The following CACNG2 variants were observed in gnomAD, a reference collection of about 807,000 sequenced individuals.
CACNG2 encodes the protein calcium voltage-gated channel auxiliary subunit gamma 2.
A neutral mutation model predicts 25.9 loss-of-function variants in CACNG2; 3 were observed. That is an observed-to-expected ratio of 0.12 (90% CI 0.05 to 0.30). The LOEUF (loss-of-function observed/expected upper bound fraction) is 0.30, where lower values mean the gene tolerates loss of function less well. Among genes scored for constraint, CACNG2 ranks in the 10% least tolerant of loss-of-function variants. CACNG2 has a pLI of 1.00. For synonymous variants in CACNG2, 167 were observed against 173.3 expected (o/e 0.96, Z 0.29); for missense variants, 341 against 432.5 (o/e 0.79, Z 1.88).
chr22:36,646,949 G>T (rs1936534555), intron 1 of CACNG2, among the ~76,000 whole-genome samples: 1 of 151,972 alleles, frequency 6.6e-6, no homozygotes, highest in Non-Finnish European at 1.5e-5. Context: ...CTGATCACAG[G>T]GGCAGGCATT....
At chr22:36,608,991 C>T (rs1016297133) in intron 1 of CACNG2, among the ~76,000 whole-genome samples, 1 of 152,168 alleles carries the variant, frequency 6.6e-6, no homozygotes. Context: ...TCCAGGTGAC[C>T]TCTCACCTGC....
intron 1 of CACNG2, among the ~76,000 whole-genome samples, chr22:36,604,471 C>A (rs188354156): frequency 3.4e-4 from 52 of 152,314 alleles, no homozygotes; most frequent in African/African-American, 1.2e-3. Flanking sequence ...AAAAATATAT[C>A]AAACAATATC....
At chr22:36,646,661 C>G (rs1185190233) in intron 1 of CACNG2, among the ~76,000 whole-genome samples, 1 of 151,812 alleles carries the variant, frequency 6.6e-6, no homozygotes, top group Non-Finnish European at 1.5e-5. Context: ...TCCAGTCACA[C>G]CACACCTCCT....
chr22:36,667,222 G>C (rs1332241620), intron 1 of CACNG2, among the ~76,000 whole-genome samples: 1 of 152,112 alleles, frequency 6.6e-6, no homozygotes, highest in African/African-American at 2.4e-5. Context: ...CAAAGTGCTG[G>C]GATTACAGGC....
intron 1 of CACNG2, among the ~76,000 whole-genome samples, chr22:36,684,629 A>AAAAAAC (rs1358167464): frequency 6.6e-6 from 1 of 151,960 alleles, no homozygotes; most frequent in East Asian, 1.9e-4. Context: ...AAAAAAAAAA[A>AAAAAAC]AACAAAGTAA....
chr22:36,609,084 G>T (rs1352697400), intron 1 of CACNG2, among the ~76,000 whole-genome samples: 1 of 152,210 alleles, frequency 6.6e-6, no homozygotes, highest in African/African-American at 2.4e-5. Flanking sequence ...ATATGGATAT[G>T]TGAGTCTCTT....
chr22:36,670,379 C>T (rs1409838455), intron 1 of CACNG2, among the ~76,000 whole-genome samples: 1 of 152,156 alleles, frequency 6.6e-6, no homozygotes, highest in African/African-American at 2.4e-5. Context: ...TAGATGATAG[C>T]TTAGCATCTT....
At chr22:36,596,468 C>T (rs1401178907) in intron 1 of CACNG2, among the ~76,000 whole-genome samples, 1 of 151,932 alleles carries the variant, frequency 6.6e-6, no homozygotes, top group Non-Finnish European at 1.5e-5. Flanking sequence ...TGGGTAGTTT[C>T]TTTCTTTTTT....
intron 1 of CACNG2, among the ~76,000 whole-genome samples, chr22:36,686,450 C>T (rs772226147): frequency 1.8e-4 from 28 of 152,224 alleles, no homozygotes; most frequent in South Asian, 4.2e-4. Context: ...TAGGGGAGCC[C>T]GGAGCTCCCC....
At chr22:36,692,919 G>A (rs1234819901) in intron 1 of CACNG2, among the ~76,000 whole-genome samples, 1 of 152,358 alleles carries the variant, frequency 6.6e-6, no homozygotes, top group South Asian at 2.1e-4. Context: ...GCCGAGGTGG[G>A]TGGATCACCT....
At chr22:36,639,428 G>A (rs1266439333) in intron 1 of CACNG2, among the ~76,000 whole-genome samples, 1 of 152,176 alleles carries the variant, frequency 6.6e-6, no homozygotes, top group African/African-American at 2.4e-5. Flanking sequence ...AGAGGGAAGT[G>A]TGAGAGCAAA....
At chr22:36,586,957 CTT>C (rs552111507) in intron 2 of CACNG2, among the ~76,000 whole-genome samples, 2 of 140,668 alleles carry the variant, frequency 1.4e-5, no homozygotes, top group South Asian at 2.2e-4. Context: ...AAATCTCTCT[CTT>C]TTTTTTTTTT....
intron 2 of CACNG2, among the ~76,000 whole-genome samples, chr22:36,577,022 C>T (rs1164372868): frequency 6.6e-6 from 1 of 152,152 alleles, no homozygotes; most frequent in African/African-American, 2.4e-5. Context: ...GGTGACCAGT[C>T]GCACAGGCTC....
intron 1 of CACNG2, among the ~76,000 whole-genome samples, chr22:36,701,022 G>A (rs1335657682): frequency 6.6e-6 from 1 of 152,024 alleles, no homozygotes; most frequent in Non-Finnish European, 1.5e-5. Context: ...AGACCCTGGG[G>A]CCACATCAGT....
At chr22:36,650,730 C>T (rs1041567030) in intron 1 of CACNG2, among the ~76,000 whole-genome samples, 8 of 152,020 alleles carry the variant, frequency 5.3e-5, no homozygotes, top group African/African-American at 7.2e-5. Flanking sequence ...TTTTTGGCCA[C>T]GCTGATCTTG....
intron 1 of CACNG2, among the ~76,000 whole-genome samples, chr22:36,635,317 A>G (rs1936339907): frequency 6.6e-6 from 1 of 152,118 alleles, no homozygotes; most frequent in African/African-American, 2.4e-5. Context: ...GGTCAATCAA[A>G]AAAGAATTTC....
chr22:36,579,024 C>CAGTAATGT (rs1298406515), intron 2 of CACNG2, among the ~76,000 whole-genome samples: 1 of 152,174 alleles, frequency 6.6e-6, no homozygotes, highest in African/African-American at 2.4e-5. Flanking sequence ...CAGAGAAGGG[C>CAGTAATGT]AGTAATGTTT....
At chr22:36,637,422 T>C (rs896892149) in intron 1 of CACNG2, among the ~76,000 whole-genome samples, 2 of 152,178 alleles carry the variant, frequency 1.3e-5, no homozygotes, top group Non-Finnish European at 2.9e-5. Context: ...CTGCATTTTC[T>C]CTTTGGCATG....
At chr22:36,627,599 T>C (rs994083436) in intron 1 of CACNG2, among the ~76,000 whole-genome samples, 1 of 151,980 alleles carries the variant, frequency 6.6e-6, no homozygotes, top group Non-Finnish European at 1.5e-5. Context: ...GTTGGCAAGT[T>C]GCCATGGAGA....
Sources: gnomAD v4.1 joint callset for allele counts (sites outside exome capture counted in the v4.1 genomes callset) on GRCh38, gnomAD v4.1.1 for gene constraint, MANE v1.5 for transcripts, NCBI Gene and HGNC (gene_info 2026-07-23, HGNC 2026-07-21) for gene names.